USP26: variants seen among roughly 807,000 people sequenced by gnomAD.
USP26 encodes ubiquitin specific peptidase 26, also known as ubiquitin carboxyl-terminal hydrolase 26.
For missense variants in USP26, 649 were observed against 642.3 expected (o/e 1.01, Z -0.11); for synonymous variants, 236 against 240.6 (o/e 0.98, Z 0.18).
chrX:133,046,315 G>A (rs374402349), intron 5 of USP26, among the ~76,000 whole-genome samples: 16 of 111,894 alleles, frequency 1.4e-4, no homozygotes, highest in East Asian at 8.4e-4. Context: ...TTATATAGAC[G>A]CTTGTTTGGA....
chrX:133,059,734 A>C (rs113951066), intron 5 of USP26, among the ~76,000 whole-genome samples: 3,832 of 110,967 alleles, frequency 0.035, 100 homozygotes, highest in East Asian at 0.099. Context: ...ACCCTCAAAG[A>C]TCCAGACTAC....
intron 5 of USP26, among the ~76,000 whole-genome samples, chrX:133,071,641 A>G (rs2067531040): frequency 1.8e-5 from 2 of 112,171 alleles, no homozygotes; most frequent in Admixed American, 1.9e-4. Flanking sequence ...ATCAAATGCC[A>G]TATATAGAAG....
intron 5 of USP26, among the ~76,000 whole-genome samples, chrX:133,071,033 A>G (rs999800884): frequency 9.0e-6 from 1 of 110,623 alleles, no homozygotes; most frequent in African/African-American, 3.3e-5. Context: ...CCTGGCCAAC[A>G]TGGTGAAACG....
At chrX:133,075,735 T>C (rs921911758) in intron 5 of USP26, among the ~76,000 whole-genome samples, 10 of 111,760 alleles carry the variant, frequency 8.9e-5, no homozygotes, top group African/African-American at 3.2e-4. Context: ...TTCACCAACA[T>C]TAAACAGAGC....
intron 5 of USP26, among the ~76,000 whole-genome samples, chrX:133,064,800 A>G (rs894064038): frequency 8.9e-6 from 1 of 111,795 alleles, no homozygotes; most frequent in African/African-American, 3.3e-5. Context: ...TGACACCCTA[A>G]CATCACAATT....
Position 133,027,479 on chromosome X carries a change from A to G in USP26, c.742T>C (p.Tyr248His). 1 of 1,211,107 alleles carries G rather than the reference A, an allele frequency of 8.3e-7. No individual in the cohort carries two copies. Among genetic ancestry groups the G allele is most frequent in the Non-Finnish European group, 1.1e-6 (1 of 894,819 alleles). Residue 248 changes from tyrosine to histidine, a missense_variant, in exon 6 of 6, where the codon TAC (tyrosine) becomes CAC (histidine). Physicochemically the swap from Tyr to His is moderately conservative, Grantham distance 83. Coordinates refer to ENST00000511190, the MANE Select transcript of USP26 (RefSeq NM_031907.3). ...TGGAGAAGACCAATGTCATCTAGGT[A>G]AGGATTTCCAGTGGCGTTCATGATG... ...SCIMNATGNPYLDDIGLLQAL... is the reference protein window; with the variant it reads ...SCIMNATGNPHLDDIGLLQAL...
At chrX:133,082,031 G>A (rs1308830247) in intron 5 of USP26, among the ~76,000 whole-genome samples, 3 of 111,621 alleles carry the variant, frequency 2.7e-5, no homozygotes, top group South Asian at 3.8e-4. Flanking sequence ...GCCACATAAC[G>A]AAAGTCCCAG....
At chrX:133,069,776 G>A (rs1404153451) in intron 5 of USP26, among the ~76,000 whole-genome samples, 2 of 111,552 alleles carry the variant, frequency 1.8e-5, no homozygotes, top group Non-Finnish European at 3.8e-5. Context: ...ACGTTTCCTA[G>A]GAGTTTACTT....
Position 133,023,718 on chromosome X carries a change from G to C in USP26, c.*1761C>G, listed in dbSNP as rs891839315. Among the ~76,000 whole-genome samples, 1 of 111,600 alleles carries C rather than the reference G, an allele frequency of 9.0e-6. No individual in the cohort carries two copies. The highest frequency in any genetic ancestry group is 1.9e-5 in the Non-Finnish European group (1 of 53,104). On this transcript the variant is annotated 3_prime_UTR_variant, in exon 6 of 6. Coordinates refer to ENST00000511190, the MANE Select transcript of USP26 (RefSeq NM_031907.3). ...TAAGACCTCCTTCTAGATAAACTGT[G>C]TTCTGAATACAATCTCCAAACTTTG... is the stretch of plus-strand genomic sequence containing the variant.
In USP26 at chrX:133,066,975, T is replaced by A. The variant is rs2067514130; in HGVS notation, c.-77+16732A>T. 2.7e-5 allele frequency among the ~76,000 whole-genome samples: 3 copies of A among 111,895 alleles called. No homozygotes were observed. The Admixed American group carries it at 2.8e-4, about 11-fold the overall frequency. On this transcript the variant is annotated intron_variant, in intron 5 of 5. Coordinates refer to ENST00000511190, the MANE Select transcript of USP26 (RefSeq NM_031907.3). Reference sequence around the variant, plus strand: ...GGAAAAAATTTTTGCAGTCTATCCATCTGACAAAGGGCTAATATCCAGAAT... The same window carrying A: ...GGAAAAAATTTTTGCAGTCTATCCAACTGACAAAGGGCTAATATCCAGAAT...
chrX:133,023,891 T>C lies in USP26; in HGVS notation c.*1588A>G, dbSNP rs756704484. On this transcript the variant is annotated 3_prime_UTR_variant, in exon 6 of 6. Coordinates refer to ENST00000511190, the MANE Select transcript of USP26 (RefSeq NM_031907.3). ...AACTATACTGAAGCCATACCCCATA[T>C]ACAAGGGGGCATATTCCTATTGGTA... 1.8e-5 allele frequency among the ~76,000 whole-genome samples: 2 copies of C among 111,852 alleles called. No individual in the cohort carries two copies. The highest frequency in any genetic ancestry group is 3.8e-5 in the Non-Finnish European group (2 of 53,172).
At chrX:133,075,018 C>T (rs1381555355) in intron 5 of USP26, among the ~76,000 whole-genome samples, 3 of 111,583 alleles carry the variant, frequency 2.7e-5, no homozygotes, top group African/African-American at 9.8e-5. Flanking sequence ...AGATGTAAGT[C>T]TGGTTGCAGC....
At chrX:133,071,686 G>A (rs2067531218) in intron 5 of USP26, among the ~76,000 whole-genome samples, 1 of 111,866 alleles carries the variant, frequency 8.9e-6, no homozygotes, top group Non-Finnish European at 1.9e-5. Flanking sequence ...GTACCAATGT[G>A]ACACAGTTTT....
intron 5 of USP26, among the ~76,000 whole-genome samples, chrX:133,053,992 A>G (rs1218598010): frequency 8.9e-6 from 1 of 112,004 alleles, no homozygotes; most frequent in Non-Finnish European, 1.9e-5. Context: ...GAAAAGTCAG[A>G]AAGTACAAGG....
At chrX:133,028,842 CCACT>C (rs1380202671) in intron 5 of USP26, among the ~76,000 whole-genome samples, 2 of 111,921 alleles carry the variant, frequency 1.8e-5, no homozygotes, top group African/African-American at 3.2e-5. Context: ...CATATATGGG[CCACT>C]CAAAGTAAAC....
At chrX:133,053,401 G>A (rs1265907113) in intron 5 of USP26, among the ~76,000 whole-genome samples, 1 of 109,912 alleles carries the variant, frequency 9.1e-6, no homozygotes, top group Non-Finnish European at 1.9e-5. Context: ...ATCCAGGCAC[G>A]GTGGTGCATG....
At chrX:133,036,866 C>T (rs1179968401) in intron 5 of USP26, among the ~76,000 whole-genome samples, 1 of 112,483 alleles carries the variant, frequency 8.9e-6, no homozygotes, top group Non-Finnish European at 1.9e-5. Flanking sequence ...TTAATGATCA[C>T]ATTCTAACTG....
At chrX:133,065,316 C>T (rs1459250918) in intron 5 of USP26, among the ~76,000 whole-genome samples, 1 of 111,895 alleles carries the variant, frequency 8.9e-6, no homozygotes, top group Non-Finnish European at 1.9e-5. Context: ...GGAGCTGGTA[C>T]CATTCCTTCT....
rs2067363757 is a variant in USP26, at chrX:133,028,278, A to G, written c.-58T>C. On this transcript the variant is annotated 5_prime_UTR_variant, in exon 6 of 6. Coordinates refer to ENST00000511190, the MANE Select transcript of USP26 (RefSeq NM_031907.3). ...GATTATTGATAATCTTGAAGTTCCA[A>G]TCTGTTTTGCAAGTTCAGCTGTGAA... 7 of 1,176,798 alleles carry G rather than the reference A, an allele frequency of 5.9e-6. No individual in the cohort carries two copies. Among genetic ancestry groups the G allele is most frequent in the Non-Finnish European group, 8.1e-6 (7 of 867,380 alleles).
Sources: allele counts gnomAD v4.1 joint callset (sites outside exome capture counted in the v4.1 genomes callset), GRCh38; gene constraint gnomAD v4.1.1; transcripts MANE v1.5; gene names NCBI Gene and HGNC (gene_info 2026-07-23, HGNC 2026-07-21).